Variants in LRRC7 observed in about 807,000 individuals in gnomAD.
The protein encoded by LRRC7 is leucine-rich repeat-containing protein 7.
A neutral mutation model predicts 175.7 loss-of-function variants in LRRC7; 23 were observed. The ratio of observed to expected loss-of-function variants is 0.13; its 90% CI spans 0.09 to 0.19. LRRC7 has a LOEUF of 0.19. Among genes scored for constraint, LRRC7 ranks in the 10% least tolerant of loss-of-function variants. The pLI is 1.00. For missense variants in LRRC7, 1,354 were observed against 1,904.7 expected (o/e 0.71, Z 5.38); for synonymous variants, 685 against 680.9 (o/e 1.01, Z -0.09).
At chr1:69,643,586 T>C (rs1034816998) in intron 1 of LRRC7, among the ~76,000 whole-genome samples, 3 of 152,164 alleles carry the variant, frequency 2.0e-5, no homozygotes, top group African/African-American at 7.2e-5. Flanking sequence ...GCAATATGTC[T>C]TATTAACCAT....
chr1:69,819,906 C>G (rs918877160), intron 4 of LRRC7, among the ~76,000 whole-genome samples: 1 of 152,032 alleles, frequency 6.6e-6, no homozygotes, highest in Non-Finnish European at 1.5e-5. Context: ...AATATTATTT[C>G]TATCCTTCAG....
At chr1:69,860,550 C>T (rs535209114) in intron 7 of LRRC7, among the ~76,000 whole-genome samples, 2 of 151,870 alleles carry the variant, frequency 1.3e-5, no homozygotes, top group African/African-American at 2.4e-5. Flanking sequence ...TAGCAAATCT[C>T]AGGCCTAATA....
intron 15 of LRRC7, among the ~76,000 whole-genome samples, chr1:70,020,316 A>G (rs1404314979): frequency 6.6e-6 from 1 of 151,982 alleles, no homozygotes; most frequent in East Asian, 1.9e-4. Context: ...ATTAGCCAAC[A>G]TTTTATGTAA....
chr1:69,726,962 A>G (rs1296338458), intron 2 of LRRC7, among the ~76,000 whole-genome samples: 1 of 152,168 alleles, frequency 6.6e-6, no homozygotes, highest in Non-Finnish European at 1.5e-5. Flanking sequence ...ACTCCAAGGT[A>G]AAAATTTGTG....
chr1:70,044,696 G>T (rs1660194611), intron 22 of LRRC7, among the ~76,000 whole-genome samples: 1 of 152,156 alleles, frequency 6.6e-6, no homozygotes, highest in Non-Finnish European at 1.5e-5. Flanking sequence ...AGATGAAAAT[G>T]TGGGAACACT....
At position 70,038,304 on chromosome 1, in the gene LRRC7, C is replaced by G. The variant is rs144821920; in HGVS notation, c.2480C>G (p.Ala827Gly). The G allele has an allele frequency of 1.5e-5, 24 of 1,614,080 alleles. No homozygotes were observed. The highest frequency in any genetic ancestry group is 2.0e-5 in the Non-Finnish European group (24 of 1,180,002). The change falls in exon 21 of 27, where the codon GCC becomes GGC. Residue 827 changes from alanine to glycine, a missense_variant. Ala to Gly is a moderately conservative substitution (Grantham distance 60, BLOSUM62 0). Coordinates refer to ENST00000651989, the MANE Select transcript of LRRC7 (RefSeq NM_001370785.2). ...GCTGAGGAAACCACAGCCGAGAATG[C>G]CAACAGTAATCCTCTCTTAAGTTCG... ...FVAEETTAEN[A>G]NSNPLLSSKS...
In LRRC7 at chr1:70,136,502, G is replaced by A. The variant is rs1281388302; in HGVS notation, c.*14615G>A. ...AATCAACAAATGTTAATGAACAAGG[G>A]GTTATGTTCAAAATTCTATTATAAG... On this transcript the variant is annotated 3_prime_UTR_variant, in exon 27 of 27. Transcript: ENST00000651989. Among the ~76,000 whole-genome samples the A allele has an allele frequency of 2.0e-5, 3 of 151,824 alleles. No homozygotes were observed. The East Asian group carries it at 5.8e-4, about 29-fold the overall frequency.
At chr1:69,611,458 C>T (rs1030733286) in intron 1 of LRRC7, among the ~76,000 whole-genome samples, 14 of 151,862 alleles carry the variant, frequency 9.2e-5, no homozygotes, top group South Asian at 2.1e-4. Context: ...TAGTGAGTAC[C>T]GAGTCATTGC....
chr1:69,867,700 T>C (rs571099424), intron 7 of LRRC7, among the ~76,000 whole-genome samples: 1 of 152,274 alleles, frequency 6.6e-6, no homozygotes, highest in Admixed American at 6.5e-5. Context: ...TCGAAACATT[T>C]AGTAAATGAC....
chr1:70,107,491 A>G (rs1665224467), intron 25 of LRRC7, among the ~76,000 whole-genome samples: 1 of 152,236 alleles, frequency 6.6e-6, no homozygotes, highest in African/African-American at 2.4e-5. Flanking sequence ...ATCATTAAGA[A>G]TATGCCATGA....
At chr1:70,104,662 T>C (rs1403710313) in intron 25 of LRRC7, among the ~76,000 whole-genome samples, 1 of 152,158 alleles carries the variant, frequency 6.6e-6, no homozygotes, top group African/African-American at 2.4e-5. Context: ...AATACATGCT[T>C]TGGAAGACTC....
In LRRC7 at chr1:69,734,194, C is replaced by T. The variant is rs768593548; in HGVS notation, c.101-25997C>T. 2.4e-4 allele frequency among the ~76,000 whole-genome samples: 37 copies of T among 151,738 alleles called. 1 individual carries two copies. The highest frequency in any genetic ancestry group is 2.5e-4 in the Non-Finnish European group (17 of 67,744). On this transcript the variant is annotated intron_variant, in intron 2 of 26. Coordinates refer to ENST00000651989, the MANE Select transcript of LRRC7 (RefSeq NM_001370785.2). ...AGAAAAATTAAAAAATACACAAAGT[C>T]AAAATAAAGAAAATTTAAAGCATCC...
At chr1:69,760,085 A>T in intron 2 of LRRC7, 106 bp from the exon 3 acceptor site, 1 of 1,128,054 alleles carries the variant, frequency 8.9e-7, no homozygotes, top group Non-Finnish European at 1.3e-6. Flanking sequence ...AAAGTATTCT[A>T]GACTGTATAC....
At chr1:70,022,472 T>G (rs1447343514) in intron 16 of LRRC7, 2 of 152,222 alleles carry the variant, frequency 1.3e-5, no homozygotes, top group Non-Finnish European at 2.9e-5. Flanking sequence ...ACGTAAAATA[T>G]AGTAAATACT....
intron 23 of LRRC7, among the ~76,000 whole-genome samples, chr1:70,058,012 ATT>A (rs1224681467): frequency 4.7e-4 from 63 of 134,412 alleles, no homozygotes; most frequent in Non-Finnish European, 7.9e-4. Context: ...CAGACTCACA[ATT>A]TTTTTTTTTT....
intron 8 of LRRC7, among the ~76,000 whole-genome samples, chr1:69,948,663 A>G (rs1160037807): frequency 2.0e-5 from 3 of 152,240 alleles, no homozygotes; most frequent in South Asian, 2.1e-4. Flanking sequence ...TGAATAATCA[A>G]TGTTGTGATT....
At chr1:69,599,851 G>A (rs1646981670) in intron 1 of LRRC7, among the ~76,000 whole-genome samples, 2 of 152,104 alleles carry the variant, frequency 1.3e-5, no homozygotes, top group Non-Finnish European at 2.9e-5. Context: ...CAGTCTCTTT[G>A]CCAAAGATTG....
At chr1:69,899,037 T>G (rs1646059553) in intron 7 of LRRC7, among the ~76,000 whole-genome samples, 1 of 152,204 alleles carries the variant, frequency 6.6e-6, no homozygotes, top group Non-Finnish European at 1.5e-5. Flanking sequence ...GATTGGGCAT[T>G]CTCTGAAAAT....
intron 2 of LRRC7, 95 bp downstream of exon 2, chr1:69,678,573 CA>C (rs1214205836): frequency 1.5e-5 from 12 of 810,610 alleles, no homozygotes; most frequent in Admixed American, 4.4e-5. Flanking sequence ...GTTAGTCAAG[CA>C]ATAGAATATT....
Sources: gnomAD v4.1 joint callset for allele counts (sites outside exome capture counted in the v4.1 genomes callset) on GRCh38, gnomAD v4.1.1 for gene constraint, MANE v1.5 for transcripts, NCBI Gene and HGNC (gene_info 2026-07-23, HGNC 2026-07-21) for gene names.